GPBP1L1: variants seen among roughly 807,000 people sequenced by gnomAD.
GPBP1L1 encodes vasculin-like protein 1.
GPBP1L1 carries 23 observed loss-of-function variants against 52.5 expected under a neutral mutation model. The observed-to-expected ratio is 0.44, with a 90% CI of 0.32 to 0.62. The LOEUF (loss-of-function observed/expected upper bound fraction) is 0.62. Ranked by LOEUF, GPBP1L1 falls within the 20% of genes least tolerant of loss-of-function variation. GPBP1L1 has a pLI of 0.06. For synonymous variants in GPBP1L1, 243 were observed against 203.1 expected (o/e 1.20, Z -1.67); for missense variants, 596 against 579.3 (o/e 1.03, Z -0.30).
chr1:45,628,104 AC>A lies in GPBP1L1; in HGVS notation c.*151del. 1 of 785,938 alleles carries A rather than the reference AC, an allele frequency of 1.3e-6. No individual in the cohort carries two copies. The allele number at this position is 785,938 out of a possible 1,614,324, so 48.7% of individuals were successfully genotyped here. ...AGGGAAGAACAATAACAAAAGCAAA[AC>A]AAGCCAATTGCTCTCTCTTTGGGAT... is the stretch of plus-strand genomic sequence containing the variant. On this transcript the variant is annotated 3_prime_UTR_variant, in exon 13 of 13. Transcript: ENST00000355105.
chr1:45,657,289 T>G (rs533297103), intron 4 of GPBP1L1, among the ~76,000 whole-genome samples: 1 of 152,268 alleles, frequency 6.6e-6, no homozygotes, highest in African/African-American at 2.4e-5. Context: ...ATCCCAGCAC[T>G]TTGGGAGACT....
chr1:45,663,043 T>A (rs1270555847), intron 2 of GPBP1L1, among the ~76,000 whole-genome samples: 1 of 52,326 alleles, frequency 1.9e-5, no homozygotes, highest in African/African-American at 7.0e-5. Context: ...AGAGCCAGAC[T>A]CTGTCTCAAA....
rs1433422766 is a variant in GPBP1L1 at position 45,654,535 on chromosome 1, A to G, written c.477+8T>C. 6.2e-7 allele frequency: 1 copy of G among 1,601,220 alleles called. No individual in the cohort carries two copies. Among genetic ancestry groups the G allele is most frequent in the African/African-American group, 1.3e-5 (1 of 74,542 alleles). On this transcript the variant is annotated splice_region_variant and intron_variant, in intron 6 of 12. Coordinates refer to ENST00000355105, the MANE Select transcript of GPBP1L1 (RefSeq NM_021639.5). ...CTTCTAACCACACATCTAAAGATTC[A>G]TACTTACAAAGTCCTCCTCTTCAAA...
chr1:45,674,189 T>C (rs924059271), intron 2 of GPBP1L1, among the ~76,000 whole-genome samples: 1 of 152,234 alleles, frequency 6.6e-6, no homozygotes, highest in Non-Finnish European at 1.5e-5. Flanking sequence ...ATTACATCAT[T>C]AGACCAGCAG....
chr1:45,646,992 T>C (rs1283600184), intron 6 of GPBP1L1, among the ~76,000 whole-genome samples: 1 of 152,116 alleles, frequency 6.6e-6, no homozygotes, highest in African/African-American at 2.4e-5. Context: ...ACCTATGTAT[T>C]TCTCCTTCAT....
intron 6 of GPBP1L1, 119 bp from the exon 7 acceptor site, chr1:45,642,618 C>A: frequency 2.8e-6 from 2 of 712,620 alleles, no homozygotes; most frequent in Non-Finnish European, 5.0e-6. Flanking sequence ...ATTAGCAACA[C>A]TTACTAATTT....
intron 2 of GPBP1L1, among the ~76,000 whole-genome samples, chr1:45,663,800 A>C (rs1379767567): frequency 6.6e-6 from 1 of 152,222 alleles, no homozygotes; most frequent in Admixed American, 6.5e-5. Context: ...AAGTTTTTGT[A>C]ACGAACTTAC....
intron 3 of GPBP1L1, 97 bp downstream of exon 3, chr1:45,660,087 T>A (rs946374716): frequency 2.8e-6 from 2 of 711,822 alleles, no homozygotes; most frequent in African/African-American, 3.8e-5. Context: ...CCCACTGATA[T>A]TCTCCAAAAT....
At chr1:45,640,122 G>T in intron 8 of GPBP1L1, 88 bp downstream of exon 8, 1 of 984,374 alleles carries the variant, frequency 1.0e-6, no homozygotes, top group South Asian at 1.6e-5. Context: ...TGACTGATGC[G>T]GCAAGAAAAA....
At chr1:45,643,244 T>C (rs562120993) in intron 6 of GPBP1L1, among the ~76,000 whole-genome samples, 3 of 152,094 alleles carry the variant, frequency 2.0e-5, no homozygotes, top group Admixed American at 6.5e-5. Flanking sequence ...GGTCTGCAAA[T>C]AGTTCAGCAT....
At chr1:45,638,209 G>A (rs1644620867) in intron 8 of GPBP1L1, among the ~76,000 whole-genome samples, 1 of 152,160 alleles carries the variant, frequency 6.6e-6, no homozygotes, top group South Asian at 2.1e-4. Flanking sequence ...TCCAAGTACA[G>A]TTCAAGTTGC....
At position 45,640,406 on chromosome 1, in the gene GPBP1L1, G is replaced by A. The variant is rs1644656703; in HGVS notation, c.551-3C>T. Reference sequence around the variant, plus strand: ...TTGCTTGGCACTAGGCGGGTTTTCTGTGAAGTACAAGAGTGGAGAGACAAC... The same window carrying A: ...TTGCTTGGCACTAGGCGGGTTTTCTATGAAGTACAAGAGTGGAGAGACAAC... On this transcript the variant is annotated splice_region_variant and splice_polypyrimidine_tract_variant and intron_variant, in intron 7 of 12. Transcript: ENST00000355105. The A allele has an allele frequency of 6.2e-7, 1 of 1,612,504 alleles. No homozygotes were observed. Among genetic ancestry groups the A allele is most frequent in the Non-Finnish European group, 8.5e-7 (1 of 1,179,214 alleles).
At chr1:45,667,754 C>T (rs1645027472) in intron 2 of GPBP1L1, among the ~76,000 whole-genome samples, 1 of 152,158 alleles carries the variant, frequency 6.6e-6, no homozygotes, top group Admixed American at 6.5e-5. Flanking sequence ...ATGTGCTTTA[C>T]TCTCCAGTTC....
chr1:45,645,195 A>G (rs1461601800), intron 6 of GPBP1L1, among the ~76,000 whole-genome samples: 1 of 152,168 alleles, frequency 6.6e-6, no homozygotes, highest in East Asian at 1.9e-4. Context: ...AACTATTTCA[A>G]GATCACAATC....
intron 2 of GPBP1L1, among the ~76,000 whole-genome samples, chr1:45,683,523 T>C (rs1233072445): frequency 1.3e-5 from 2 of 148,610 alleles, no homozygotes; most frequent in Non-Finnish European, 3.0e-5. Flanking sequence ...GACTGTTACC[T>C]ACCAGCTGGA....
At position 45,660,618 on chromosome 1, in the gene GPBP1L1, G is replaced by C. The variant is rs559074059; in HGVS notation, c.-490C>G. 1 of 931,980 alleles carries C rather than the reference G, an allele frequency of 1.1e-6. No individual in the cohort carries two copies. Among genetic ancestry groups the C allele is most frequent in the East Asian group, 1.2e-4 (1 of 8,586 alleles). The allele number at this position is 931,980 out of a possible 1,614,324, so 57.7% of individuals were successfully genotyped here. On this transcript the variant is annotated 5_prime_UTR_variant, in exon 3 of 13. Transcript: ENST00000355105. ...GCTAGAAAGACAGATGGGCTCAAGT[G>C]TGGACAAATAATGTCATCAAGGTAA...
At chr1:45,629,177 C>T (rs1438487979) in intron 12 of GPBP1L1, among the ~76,000 whole-genome samples, 1 of 152,158 alleles carries the variant, frequency 6.6e-6, no homozygotes, top group Non-Finnish European at 1.5e-5. Flanking sequence ...CTGACACAAG[C>T]TATTTAGCTT....
chr1:45,646,520 A>G (rs546698309), intron 6 of GPBP1L1, among the ~76,000 whole-genome samples: 13 of 151,750 alleles, frequency 8.6e-5, no homozygotes, highest in African/African-American at 2.4e-4. Context: ...TCAAATCTAA[A>G]TGTATTTCAG....
At chr1:45,643,370 A>G (rs760339974) in intron 6 of GPBP1L1, among the ~76,000 whole-genome samples, 1 of 152,148 alleles carries the variant, frequency 6.6e-6, no homozygotes, top group Non-Finnish European at 1.5e-5. Flanking sequence ...TTCTACAGGT[A>G]ATGAGGATCC....
Sources: gnomAD v4.1 joint callset for allele counts (sites outside exome capture counted in the v4.1 genomes callset) on GRCh38, gnomAD v4.1.1 for gene constraint, MANE v1.5 for transcripts, NCBI Gene and HGNC (gene_info 2026-07-23, HGNC 2026-07-21) for gene names.